The following SEMA5A variants were observed in gnomAD, a reference collection of about 807,000 sequenced individuals.
SEMA5A encodes semaphorin 5A.
A neutral mutation model predicts 135.5 loss-of-function variants in SEMA5A; 55 were observed. That is an observed-to-expected ratio of 0.41 (90% CI 0.33 to 0.51). SEMA5A has a LOEUF of 0.51. SEMA5A is among the 20% of genes least tolerant of loss of function. The probability of loss-of-function intolerance (pLI) is 0.37; values close to 1 mark genes in which losing one functional copy is unlikely to be tolerated. For missense variants in SEMA5A, 1,290 were observed against 1,419.9 expected (o/e 0.91, Z 1.47); for synonymous variants, 580 against 546.5 (o/e 1.06, Z -0.85).
intron 1 of SEMA5A, chr5:9,511,937 A>G (rs981646524): frequency 6.6e-6 from 1 of 152,254 alleles, no homozygotes; most frequent in African/African-American, 2.4e-5. Context: ...AAGGCAGACA[A>G]CATTATCCTG....
intron 3 of SEMA5A, among the ~76,000 whole-genome samples, chr5:9,351,148 C>G (rs1471412184): frequency 1.5e-5 from 2 of 135,530 alleles, no homozygotes; most frequent in Admixed American, 1.6e-4. Context: ...CCAATAGCAT[C>G]AGAATCTCTT....
At chr5:9,096,751 A>T (rs927192068) in intron 16 of SEMA5A, among the ~76,000 whole-genome samples, 1 of 152,228 alleles carries the variant, frequency 6.6e-6, no homozygotes, top group African/African-American at 2.4e-5. Flanking sequence ...CATGATAAAA[A>T]AAATATATAT....
At chr5:9,099,364 T>C (rs1739498620) in intron 16 of SEMA5A, among the ~76,000 whole-genome samples, 1 of 152,212 alleles carries the variant, frequency 6.6e-6, no homozygotes, top group Admixed American at 6.5e-5. Context: ...ACTGAGATAT[T>C]TTATTAAAAA....
At chr5:9,406,687 A>G (rs933885765) in intron 2 of SEMA5A, among the ~76,000 whole-genome samples, 1 of 152,240 alleles carries the variant, frequency 6.6e-6, no homozygotes, top group East Asian at 1.9e-4. Flanking sequence ...AGAAACATAT[A>G]TAGGTTAATG....
At chr5:9,279,321 T>A (rs980662601) in intron 5 of SEMA5A, among the ~76,000 whole-genome samples, 2 of 152,178 alleles carry the variant, frequency 1.3e-5, no homozygotes, top group African/African-American at 4.8e-5. Context: ...CCATTTGGGA[T>A]GTGAATATTT....
intron 9 of SEMA5A, among the ~76,000 whole-genome samples, chr5:9,199,018 C>T (rs1745564115): frequency 1.3e-5 from 2 of 152,180 alleles, no homozygotes; most frequent in South Asian, 2.1e-4. Flanking sequence ...AACAGTAGCA[C>T]AGAGAGTTTA....
chr5:9,081,523 T>C (rs1024974914), intron 16 of SEMA5A, among the ~76,000 whole-genome samples: 4 of 150,222 alleles, frequency 2.7e-5, no homozygotes, highest in African/African-American at 9.9e-5. Context: ...GAAGACTCAT[T>C]ATCCTCTCGC....
chr5:9,525,764 C>A (rs1054999960), intron 1 of SEMA5A, among the ~76,000 whole-genome samples: 15 of 152,218 alleles, frequency 9.9e-5, no homozygotes, highest in Non-Finnish European at 2.2e-4. Flanking sequence ...GATCAAAATT[C>A]TTTGAACACC....
chr5:9,258,094 G>C (rs146197079), intron 5 of SEMA5A, among the ~76,000 whole-genome samples: 4 of 152,186 alleles, frequency 2.6e-5, no homozygotes, highest in Non-Finnish European at 5.9e-5. Flanking sequence ...AAACACAAGG[G>C]GGAAGAACTG....
chr5:9,166,106 A>AAAGC (rs1743592436), intron 11 of SEMA5A, among the ~76,000 whole-genome samples: 1 of 152,186 alleles, frequency 6.6e-6, no homozygotes, highest in Non-Finnish European at 1.5e-5. Flanking sequence ...TCATAAATTA[A>AAAGC]AAGCAAAATT....
intron 3 of SEMA5A, among the ~76,000 whole-genome samples, chr5:9,353,401 AGAAAGGAAG>A (rs1329838579): frequency 1.2e-5 from 1 of 86,488 alleles, no homozygotes; most frequent in African/African-American, 4.2e-5. Flanking sequence ...AGGAAGGGAA[AGAAAGGAAG>A]GAAAGGAAGG....
intron 9 of SEMA5A, among the ~76,000 whole-genome samples, chr5:9,198,489 A>T (rs1745535781): frequency 1.3e-5 from 2 of 152,142 alleles, no homozygotes; most frequent in African/African-American, 4.8e-5. Context: ...CCTTTGCAAT[A>T]TCTGTGGGTG....
chr5:9,442,927 A>T (rs1276942551), intron 1 of SEMA5A, among the ~76,000 whole-genome samples: 1 of 152,248 alleles, frequency 6.6e-6, no homozygotes, highest in Non-Finnish European at 1.5e-5. Context: ...ATGAAAATAC[A>T]AAATGAGTAA....
At chr5:9,177,449 T>C (rs1191914685) in intron 11 of SEMA5A, among the ~76,000 whole-genome samples, 1 of 152,232 alleles carries the variant, frequency 6.6e-6, no homozygotes, top group Non-Finnish European at 1.5e-5. Flanking sequence ...GCAGGTTGTG[T>C]TCCTGACATA....
chr5:9,372,432 ACCATGGGACACACATGGAG>A lies in SEMA5A; in HGVS notation c.124+7372_124+7390del, dbSNP rs3839325. 2.3e-4 allele frequency among the ~76,000 whole-genome samples: 35 copies of A among 152,258 alleles called. 1 individual carries two copies. In the East Asian group the frequency reaches 6.4e-3, roughly 28 times the overall value. On this transcript the variant is annotated intron_variant, in intron 3 of 22. Transcript: ENST00000382496. ...CATGGAACCATGGGATATGTGTGGA[ACCATGGGACACACATGGAG>A]CCATGGGACATACATACATGGAGTT... is the stretch of plus-strand genomic sequence containing the variant.
At chr5:9,334,737 T>C (rs1414185240) in intron 4 of SEMA5A, among the ~76,000 whole-genome samples, 2 of 152,164 alleles carry the variant, frequency 1.3e-5, no homozygotes, top group African/African-American at 2.4e-5. Context: ...CACACACTGC[T>C]CTAGAATAAA....
chr5:9,059,750 A>G (rs1737082313), intron 18 of SEMA5A, among the ~76,000 whole-genome samples: 2 of 152,210 alleles, frequency 1.3e-5, no homozygotes, highest in South Asian at 4.1e-4. Context: ...AGTTTTTACC[A>G]TGTTGGCCAG....
At chr5:9,264,466 G>A (rs998655270) in intron 5 of SEMA5A, among the ~76,000 whole-genome samples, 3 of 152,122 alleles carry the variant, frequency 2.0e-5, no homozygotes, top group African/African-American at 4.8e-5. Context: ...CTAGAATAAC[G>A]TACCAGGCAC....
chr5:9,491,669 A>C (rs896026291), intron 1 of SEMA5A, among the ~76,000 whole-genome samples: 1 of 152,158 alleles, frequency 6.6e-6, no homozygotes, highest in Non-Finnish European at 1.5e-5. Context: ...TTAAATTACC[A>C]CTGCCAAAAT....
Sources: allele counts gnomAD v4.1 joint callset (sites outside exome capture counted in the v4.1 genomes callset), GRCh38; gene constraint gnomAD v4.1.1; transcripts MANE v1.5; gene names NCBI Gene and HGNC (gene_info 2026-07-23, HGNC 2026-07-21).